The following SWT1 variants were observed in gnomAD, a reference collection of about 807,000 sequenced individuals.
SWT1 encodes the protein SWT1 RNA endoribonuclease homolog, also known as transcriptional protein SWT1.
In SWT1, 33 loss-of-function variants were observed where a neutral mutation model predicts 107.3. That is an observed-to-expected ratio of 0.31 (90% CI 0.23 to 0.41). The LOEUF (loss-of-function observed/expected upper bound fraction) is 0.41. Among genes scored for constraint, SWT1 ranks in the 10% least tolerant of loss-of-function variants. The pLI is 1.00. For missense variants in SWT1, 898 were observed against 1,028.9 expected, an observed-to-expected ratio of 0.87 and a Z score of 1.74; for synonymous variants, 345 against 348.3, an observed-to-expected ratio of 0.99 and a Z score of 0.11.
intron 18 of SWT1, among the ~76,000 whole-genome samples, chr1:185,282,797 C>T (rs573764612): frequency 6.6e-6 from 1 of 152,138 alleles, no homozygotes; most frequent in South Asian, 2.1e-4. Flanking sequence ...GAATTGCGTG[C>T]TGTGTGGAGA....
At chr1:185,212,225 AT>A (rs1553256928) in intron 13 of SWT1, among the ~76,000 whole-genome samples, 2 of 152,148 alleles carry the variant, frequency 1.3e-5, no homozygotes, top group South Asian at 2.1e-4. Context: ...AATAAAAAAA[AT>A]AAAGCATGTA....
At chr1:185,206,852 A>T in intron 13 of SWT1, 89 bp downstream of exon 13, 1 of 971,204 alleles carries the variant, frequency 1.0e-6, no homozygotes, top group Non-Finnish European at 1.5e-6. Flanking sequence ...AAATTAATGA[A>T]GAATTTGTTA....
chr1:185,212,382 G>T lies in SWT1; in HGVS notation c.1973-2125G>T, dbSNP rs186271386. Among the ~76,000 whole-genome samples the T allele has an allele frequency of 7.0e-3, 1,064 of 152,180 alleles. 15 individuals are homozygous for T. Among genetic ancestry groups the T allele is most frequent in the African/African-American group, 0.024 (980 of 41,528 alleles). On this transcript the variant is annotated intron_variant, in intron 13 of 18. Transcript: ENST00000367500. ...TCCATCTGTTTTTCCTGGCAGGGGG[G>T]TCTGCTCTTAGACGCAGCTGAGAGG...
At chr1:185,278,948 ATTTG>A (rs1164062706) in intron 18 of SWT1, among the ~76,000 whole-genome samples, 1 of 152,222 alleles carries the variant, frequency 6.6e-6, no homozygotes, top group African/African-American at 2.4e-5. Context: ...AGACTGATAA[ATTTG>A]TTTGAGGATA....
At chr1:185,170,616 T>G (rs1245467491) in intron 4 of SWT1, among the ~76,000 whole-genome samples, 3 of 152,320 alleles carry the variant, frequency 2.0e-5, no homozygotes, top group African/African-American at 7.2e-5. Context: ...CTCCCTCTGC[T>G]GGAAACCAAA....
intron 4 of SWT1, among the ~76,000 whole-genome samples, chr1:185,173,439 G>T (rs1362936010): frequency 6.6e-6 from 1 of 150,806 alleles, no homozygotes; most frequent in Admixed American, 6.6e-5. Context: ...CATGCCTGTA[G>T]CCTCAGCACA....
intron 10 of SWT1, among the ~76,000 whole-genome samples, chr1:185,195,976 T>G (rs1247046569): frequency 6.6e-6 from 1 of 152,256 alleles, no homozygotes; most frequent in Non-Finnish European, 1.5e-5. Flanking sequence ...TCTTTTGCTG[T>G]GCAGAAGCTC....
At chr1:185,257,056 T>G (rs1662599913) in intron 16 of SWT1, among the ~76,000 whole-genome samples, 1 of 152,120 alleles carries the variant, frequency 6.6e-6, no homozygotes, top group Admixed American at 6.5e-5. Context: ...GGTGTCAGTG[T>G]GCCCCTGCTG....
At chr1:185,256,873 C>G (rs1218166250) in intron 16 of SWT1, among the ~76,000 whole-genome samples, 1 of 152,130 alleles carries the variant, frequency 6.6e-6, no homozygotes, top group Non-Finnish European at 1.5e-5. Context: ...TTTAGAGTTT[C>G]CAGTTTTTCT....
intron 15 of SWT1, among the ~76,000 whole-genome samples, chr1:185,230,756 G>A (rs1034544730): frequency 6.6e-6 from 1 of 151,284 alleles, no homozygotes; most frequent in African/African-American, 2.4e-5. Context: ...GTGTGTGTTT[G>A]TTTTGTTTTG....
chr1:185,171,381 A>C (rs1655043977), intron 4 of SWT1: 1 of 232,120 alleles, frequency 4.3e-6, no homozygotes, highest in Non-Finnish European at 9.0e-6. Flanking sequence ...ATTTGGAAGT[A>C]ACGTAATTCA....
chr1:185,265,869 T>A (rs574466992), intron 16 of SWT1, among the ~76,000 whole-genome samples: 11 of 152,294 alleles, frequency 7.2e-5, no homozygotes, highest in African/African-American at 2.6e-4. Flanking sequence ...TAATATAATA[T>A]TATAAACATT....
chr1:185,249,464 TC>T (rs1242097753), intron 16 of SWT1, among the ~76,000 whole-genome samples: 1 of 152,072 alleles, frequency 6.6e-6, no homozygotes, highest in Admixed American at 6.6e-5. Context: ...GACCTGTACA[TC>T]CCCAAGTCTT....
chr1:185,264,343 A>G (rs1663234446), intron 16 of SWT1: 16 of 985,154 alleles, frequency 1.6e-5, no homozygotes, highest in Non-Finnish European at 1.9e-5. Flanking sequence ...ATTACCGTTC[A>G]TATGGATGAC....
chr1:185,202,515 T>G, intron 10 of SWT1, 139 bp from the exon 11 acceptor site: 1 of 558,350 alleles, frequency 1.8e-6, no homozygotes, highest in Non-Finnish European at 3.0e-6. Flanking sequence ...TCATATTTTT[T>G]TAAAAAAGTT....
chr1:185,221,089 C>G (rs144171350), intron 14 of SWT1, among the ~76,000 whole-genome samples: 1 of 151,456 alleles, frequency 6.6e-6, no homozygotes, highest in Admixed American at 6.6e-5. Flanking sequence ...ACACACTCTT[C>G]TAGATTTATG....
chr1:185,215,453 G>T (rs1439797487), intron 14 of SWT1, among the ~76,000 whole-genome samples: 3 of 152,096 alleles, frequency 2.0e-5, no homozygotes, highest in South Asian at 4.1e-4. Flanking sequence ...TTGCCAATTT[G>T]TGAAGTTTTT....
intron 15 of SWT1, among the ~76,000 whole-genome samples, chr1:185,226,100 TAAC>T (rs1182909243): frequency 6.6e-6 from 1 of 152,200 alleles, no homozygotes; most frequent in African/African-American, 2.4e-5. Flanking sequence ...CTGACAGGGA[TAAC>T]CACTTTCAAA....
At chr1:185,221,466 C>G (rs1659652167) in intron 14 of SWT1, among the ~76,000 whole-genome samples, 1 of 152,082 alleles carries the variant, frequency 6.6e-6, no homozygotes. Flanking sequence ...CAACACTTTG[C>G]AGCCCTTTAC....
Sources: gnomAD v4.1 joint callset for allele counts (sites outside exome capture counted in the v4.1 genomes callset) on GRCh38, gnomAD v4.1.1 for gene constraint, MANE v1.5 for transcripts, NCBI Gene and HGNC (gene_info 2026-07-23, HGNC 2026-07-21) for gene names.